GRID1: variants seen among roughly 807,000 people sequenced by gnomAD.
GRID1 encodes the protein glutamate ionotropic receptor delta type subunit 1, also known as glutamate receptor ionotropic, delta-1.
A neutral mutation model predicts 98.0 loss-of-function variants in GRID1; 28 were observed. That is an observed-to-expected ratio of 0.29 (90% CI 0.21 to 0.39). The LOEUF is 0.39. Among genes scored for constraint, GRID1 ranks in the 10% least tolerant of loss-of-function variants. GRID1 has a pLI of 1.00. For missense variants in GRID1, 1,111 were observed against 1,340.5 expected (o/e 0.83, Z 2.67); for synonymous variants, 553 against 538.5 (o/e 1.03, Z -0.37).
intron 4 of GRID1, among the ~76,000 whole-genome samples, chr10:85,992,559 A>T (rs933747490): frequency 6.7e-6 from 1 of 148,980 alleles, no homozygotes; most frequent in Non-Finnish European, 1.5e-5. Flanking sequence ...AGTGAGCCAG[A>T]GTGTTCAGGG....
intron 8 of GRID1, among the ~76,000 whole-genome samples, chr10:85,833,490 T>A (rs549523318): frequency 1.3e-5 from 2 of 150,112 alleles, no homozygotes; most frequent in African/African-American, 2.5e-5. Context: ...AGGCCAGACA[T>A]GTGTGCTAAA....
At chr10:85,766,067 G>A (rs1379981764) in intron 8 of GRID1, among the ~76,000 whole-genome samples, 1 of 152,152 alleles carries the variant, frequency 6.6e-6, no homozygotes, top group Non-Finnish European at 1.5e-5. Flanking sequence ...CTGCAGCCCT[G>A]GCATCACAAG....
At chr10:86,234,571 GAA>G (rs1473722431) in intron 2 of GRID1, among the ~76,000 whole-genome samples, 1 of 152,222 alleles carries the variant, frequency 6.6e-6, no homozygotes, top group Non-Finnish European at 1.5e-5. Context: ...GGAGAAAAGA[GAA>G]AACTCTTTTC....
intron 4 of GRID1, among the ~76,000 whole-genome samples, chr10:86,055,563 T>G (rs557061324): frequency 2.0e-5 from 3 of 152,148 alleles, no homozygotes; most frequent in African/African-American, 7.2e-5. Context: ...GCCAACATGG[T>G]GAAACCCTGT....
At chr10:86,295,126 G>C (rs964702620) in intron 2 of GRID1, among the ~76,000 whole-genome samples, 1 of 152,228 alleles carries the variant, frequency 6.6e-6, no homozygotes, top group African/African-American at 2.4e-5. Context: ...AGAGCATACA[G>C]AACGGCCTTT....
chr10:85,986,550 C>T (rs1045366490), intron 4 of GRID1, among the ~76,000 whole-genome samples: 3 of 152,182 alleles, frequency 2.0e-5, no homozygotes, highest in African/African-American at 7.2e-5. Context: ...CATCGCCAGA[C>T]CCCAACTGCA....
chr10:86,137,177 C>T (rs940073940), intron 4 of GRID1, among the ~76,000 whole-genome samples: 8 of 152,148 alleles, frequency 5.3e-5, no homozygotes, highest in Admixed American at 4.6e-4. Context: ...CAGGAAGGGG[C>T]TAAAATCCTC....
At chr10:86,128,621 G>C (rs548406452) in intron 4 of GRID1, among the ~76,000 whole-genome samples, 3 of 152,238 alleles carry the variant, frequency 2.0e-5, no homozygotes, top group Admixed American at 6.5e-5. Flanking sequence ...CACACGCCTG[G>C]TAACGGCCCA....
intron 12 of GRID1, among the ~76,000 whole-genome samples, chr10:85,652,414 CA>C (rs1843284335): frequency 6.6e-6 from 1 of 152,154 alleles, no homozygotes; most frequent in Admixed American, 6.5e-5. Flanking sequence ...CGGATTTCAA[CA>C]ACGGTGGGGA....
chr10:85,603,877 T>A (rs1162965352), intron 15 of GRID1, among the ~76,000 whole-genome samples: 1 of 152,058 alleles, frequency 6.6e-6, no homozygotes, highest in Non-Finnish European at 1.5e-5. Flanking sequence ...AAGGAACCCA[T>A]CCCCTGTCCA....
At chr10:85,895,014 A>ATATATATATATAT (rs1322282990) in intron 5 of GRID1, among the ~76,000 whole-genome samples, 5 of 108,664 alleles carry the variant, frequency 4.6e-5, no homozygotes, top group African/African-American at 1.4e-4. Flanking sequence ...AAAAAAAAAA[A>ATATATATATATAT]AAATATATAT....
intron 4 of GRID1, among the ~76,000 whole-genome samples, chr10:86,078,443 G>A (rs1327840408): frequency 6.6e-6 from 1 of 152,210 alleles, no homozygotes; most frequent in Non-Finnish European, 1.5e-5. Context: ...GGTGGAACGG[G>A]TGCTCCGCGG....
intron 2 of GRID1, among the ~76,000 whole-genome samples, chr10:86,252,684 C>A (rs1454561458): frequency 7.9e-5 from 12 of 152,164 alleles, no homozygotes; most frequent in Admixed American, 7.9e-4. Context: ...CAAGTGACAC[C>A]ATCTGATGCC....
intron 2 of GRID1, among the ~76,000 whole-genome samples, chr10:86,266,240 A>G (rs1847100745): frequency 6.6e-6 from 1 of 151,882 alleles, no homozygotes; most frequent in Admixed American, 6.6e-5. Flanking sequence ...GACCCCAGCT[A>G]TGACTCCAGG....
intron 8 of GRID1, among the ~76,000 whole-genome samples, chr10:85,736,650 C>T (rs10887523): frequency 0.59 from 89,784 of 151,978 alleles, 27,866 homozygotes; most frequent in African/African-American, 0.79. Context: ...AAGTCATCTA[C>T]TAGGGTTTTT....
At chr10:86,128,071 T>C (rs1279493463) in intron 4 of GRID1, among the ~76,000 whole-genome samples, 1 of 152,070 alleles carries the variant, frequency 6.6e-6, no homozygotes, top group Non-Finnish European at 1.5e-5. Context: ...GTCCATTTGC[T>C]CCAAGGACAA....
At chr10:86,315,385 G>A (rs1030559355) in intron 2 of GRID1, among the ~76,000 whole-genome samples, 2 of 152,194 alleles carry the variant, frequency 1.3e-5, no homozygotes, top group Non-Finnish European at 2.9e-5. Flanking sequence ...TCAGCACATG[G>A]AGCAGAGAAA....
chr10:86,079,111 C>A (rs1233549603), intron 4 of GRID1, among the ~76,000 whole-genome samples: 1 of 152,338 alleles, frequency 6.6e-6, no homozygotes, highest in East Asian at 1.9e-4. Flanking sequence ...GTACCTTGAA[C>A]TGAAGCAGCA....
chr10:85,856,084 C>T lies in GRID1; in HGVS notation c.1058G>A (p.Arg353Gln), dbSNP rs776729809. The part of the protein sequence containing the change: ...WHSMASLNCI[R>Q]KSTKPWNGGR... ...ACCATTCCATGGCTTAGTGGATTTC[C>T]GTATGCAGTTGAGGCTCGCCATGCT... is the stretch of plus-strand genomic sequence containing the variant. Residue 353 changes from arginine (R) to glutamine (Q), a missense_variant, in exon 7 of 16, where the codon CGG becomes CAG. By Grantham distance (43) the Arg-to-Gln change is conservative. Transcript: ENST00000327946. 4.3e-6 allele frequency: 7 copies of T among 1,614,066 alleles called. No homozygotes were observed. In the Admixed American group the frequency reaches 5.0e-5, roughly 12 times the overall value.
Sources: gnomAD v4.1 joint callset for allele counts (sites outside exome capture counted in the v4.1 genomes callset) on GRCh38, gnomAD v4.1.1 for gene constraint, MANE v1.5 for transcripts, NCBI Gene and HGNC (gene_info 2026-07-23, HGNC 2026-07-21) for gene names.